FRMD1: variants seen among roughly 807,000 people sequenced by gnomAD.
The protein encoded by FRMD1 is FERM domain containing 1.
In FRMD1, 51 loss-of-function variants were observed where a neutral mutation model predicts 54.9. The ratio of observed to expected loss-of-function variants is 0.93; its 90% CI spans 0.74 to 1.17. FRMD1 has a LOEUF of 1.17. Ranked by LOEUF, FRMD1 falls within the 50% of genes most tolerant of loss-of-function variation. The pLI is 0.00. For missense variants in FRMD1, 729 were observed against 743.0 expected (o/e 0.98, Z 0.22); for synonymous variants, 324 against 306.4 (o/e 1.06, Z -0.60).
chr6:168,079,193 T>G lies in FRMD1; in HGVS notation c.-99A>C. The G allele has an allele frequency of 7.0e-7, 1 of 1,423,388 alleles. No individual in the cohort carries two copies. Among genetic ancestry groups the G allele is most frequent in the Non-Finnish European group, 9.2e-7 (1 of 1,089,268 alleles). 88.2% of individuals were successfully genotyped at this position (1,423,388 alleles called of 1,614,324 possible). A position where few individuals can be genotyped will look rare whatever the true frequency, so the allele number is the denominator to read the frequency against. ...TTTCCGGGACCCGCCCTTGCCGAGC[T>G]TCTCACTGGGAAGGGAATTGAGAGG... On this transcript the variant is annotated 5_prime_UTR_variant, in exon 1 of 11. Transcript: ENST00000283309.
chr6:168,062,558 C>T (rs1256298570), intron 7 of FRMD1: 15 of 1,120,794 alleles, frequency 1.3e-5, no homozygotes, highest in South Asian at 9.4e-5. Context: ...CCCGAGAGGC[C>T]GGCAGGAAGG....
chr6:168,077,146 G>T (rs1800631759), intron 1 of FRMD1, among the ~76,000 whole-genome samples: 1 of 152,144 alleles, frequency 6.6e-6, no homozygotes, highest in African/African-American at 2.4e-5. Context: ...ACCAACAGAG[G>T]GTTCCTCTCC....
chr6:168,077,473 G>A (rs12207631), intron 1 of FRMD1, among the ~76,000 whole-genome samples: 4,990 of 100,678 alleles, frequency 0.05, 244 homozygotes, highest in Middle Eastern at 0.081. Context: ...ACACCCTGTG[G>A]GGGGGTTCCT....
intron 6 of FRMD1, 79 bp from the exon 7 acceptor site, chr6:168,063,038 G>C (rs1395643478): frequency 8.1e-7 from 1 of 1,238,642 alleles, no homozygotes; most frequent in Non-Finnish European, 1.2e-6. Context: ...GGTCAGTCTG[G>C]CTAGGGGCCG....
At position 168,062,895 on chromosome 6, in the gene FRMD1, T is replaced by TG; in HGVS notation, c.868dup (p.Gln290ProfsTer72). Reference sequence around the variant, plus strand: ...TGAGGCTGGAGCCCCTTCGGTCACCTGGTAGATGTGCACTCCCCTGAGGGC... The same window carrying TG: ...TGAGGCTGGAGCCCCTTCGGTCACCTGGGTAGATGTGCACTCCCCTGAGGGC... On this transcript the variant is annotated frameshift_variant and splice_region_variant, in exon 7 of 11. Coordinates refer to ENST00000283309, the MANE Select transcript of FRMD1 (RefSeq NM_024919.6). LOFTEE classifies it high-confidence loss of function. The TG allele has an allele frequency of 6.2e-7, 1 of 1,613,582 alleles. No individual in the cohort carries two copies. Among genetic ancestry groups the TG allele is most frequent in the Non-Finnish European group, 8.5e-7 (1 of 1,179,692 alleles).
chr6:168,065,695 A>G, intron 4 of FRMD1: 1 of 986,972 alleles, frequency 1.0e-6, no homozygotes, highest in South Asian at 4.7e-5. Context: ...ACACAACCAC[A>G]TACCAGTGTC....
At chr6:168,086,133 G>A (rs568108687), upstream of FRMD1, among the ~76,000 whole-genome samples, 4 of 152,034 alleles carry the variant, frequency 2.6e-5, no homozygotes, top group Admixed American at 6.6e-5. Flanking sequence ...TGTCCCCAGC[G>A]TGGACACCTA....
chr6:168,074,947 G>A (rs1231158803), intron 2 of FRMD1, among the ~76,000 whole-genome samples: 1 of 151,404 alleles, frequency 6.6e-6, no homozygotes, highest in Non-Finnish European at 1.5e-5. Context: ...GTAACTGCAC[G>A]TGTGTGGCGT....
At chr6:168,071,423 G>C (rs1182544019) in intron 2 of FRMD1, among the ~76,000 whole-genome samples, 3 of 152,218 alleles carry the variant, frequency 2.0e-5, no homozygotes, top group Non-Finnish European at 4.4e-5. Flanking sequence ...ACCAAGAAGG[G>C]TGTCCTCGGG....
intron 1 of FRMD1, chr6:168,075,809 C>G: frequency 6.5e-7 from 1 of 1,549,720 alleles, no homozygotes; most frequent in Non-Finnish European, 8.7e-7. Flanking sequence ...ACGGCAGCCT[C>G]TAAACACCCA....
At chr6:168,058,169 C>CACGATAACTAATCAGCCACAA (rs1799513138) in intron 10 of FRMD1, among the ~76,000 whole-genome samples, 1 of 151,714 alleles carries the variant, frequency 6.6e-6, no homozygotes, top group Admixed American at 6.6e-5. Flanking sequence ...CATCCAGCCT[C>CACGATAACTAATCAGCCACAA]CGGTGCCCAG....
At chr6:168,071,022 A>G (rs1222047291) in intron 2 of FRMD1, among the ~76,000 whole-genome samples, 4 of 152,172 alleles carry the variant, frequency 2.6e-5, no homozygotes. Flanking sequence ...CTGTTGATTG[A>G]ACAAAAGGCC....
intron 1 of FRMD1, among the ~76,000 whole-genome samples, chr6:168,091,227 C>T (rs868063106): frequency 3.9e-5 from 6 of 152,234 alleles, no homozygotes; most frequent in Non-Finnish European, 5.9e-5. Context: ...CAAGGAGCCC[C>T]GGGGCTGGAG....
At position 168,059,052 on chromosome 6, in the gene FRMD1, C is replaced by A; in HGVS notation, c.1407+72G>T. 1 of 1,268,612 alleles carries A rather than the reference C, an allele frequency of 7.9e-7. No homozygotes were observed. The highest frequency in any genetic ancestry group is 1.5e-5 in the African/African-American group (1 of 68,744). 78.6% of individuals were successfully genotyped at this position (1,268,612 alleles called of 1,614,324 possible). A position where few individuals can be genotyped will look rare whatever the true frequency, so the allele number is the denominator to read the frequency against. On this transcript the variant is annotated intron_variant, in intron 10 of 10. Coordinates refer to ENST00000283309, the MANE Select transcript of FRMD1 (RefSeq NM_024919.6). This position sits in a 1 kb window ranked among gnomAD's most constrained non-coding sequence, Gnocchi z 4.4. ...TAGGCCTAGGAAGGTCCCCAGGGCC[C>A]CTGACAGGGGACCTAGGAGAAGGGG...
chr6:168,081,598 C>T (rs1451151868), upstream of FRMD1: 4 of 1,295,742 alleles, frequency 3.1e-6, no homozygotes, highest in Non-Finnish European at 4.1e-6. Flanking sequence ...AGCTTCGGAG[C>T]TCTAGGTCCA....
upstream of FRMD1, chr6:168,081,669 A>T (rs1433784429): frequency 1.4e-5 from 9 of 643,320 alleles, no homozygotes; most frequent in Non-Finnish European, 4.9e-6. Context: ...AGGAAGGCAG[A>T]ACTGACACAG....
chr6:168,073,218 T>C (rs1035154280), intron 2 of FRMD1, among the ~76,000 whole-genome samples: 14 of 146,682 alleles, frequency 9.5e-5, no homozygotes, highest in Non-Finnish European at 1.8e-4. Context: ...CAACACCAAG[T>C]GAAGCTGCTG....
At chr6:168,089,869 A>G (rs1800985621) in intron 1 of FRMD1, among the ~76,000 whole-genome samples, 1 of 152,206 alleles carries the variant, frequency 6.6e-6, no homozygotes, top group Admixed American at 6.5e-5. Context: ...AGACGCTCCC[A>G]TGGAGGGGCA....
chr6:168,075,816 C>T, intron 1 of FRMD1: 8 of 1,548,608 alleles, frequency 5.2e-6, no homozygotes, highest in Admixed American at 2.0e-5. Flanking sequence ...CCTCTAAACA[C>T]CCAGCGTCTG....
Sources: allele counts gnomAD v4.1 joint callset (sites outside exome capture counted in the v4.1 genomes callset), GRCh38; gene constraint gnomAD v4.1.1; non-coding constraint Gnocchi (gnomAD v3.1); transcripts MANE v1.5; gene names NCBI Gene and HGNC (gene_info 2026-07-23, HGNC 2026-07-21).